RSBN1L: variants seen among roughly 807,000 people sequenced by gnomAD.
The protein encoded by RSBN1L is round spermatid basic protein 1 like.
RSBN1L carries 30 observed loss-of-function variants against 67.7 expected under a neutral mutation model. That is an observed-to-expected ratio of 0.44 (90% CI 0.33 to 0.60). RSBN1L has a LOEUF of 0.60. Among genes scored for constraint, RSBN1L ranks in the 20% least tolerant of loss-of-function variants. RSBN1L has a pLI of 0.02. For missense variants in RSBN1L, 992 were observed against 1,031.7 expected (o/e 0.96, Z 0.53); for synonymous variants, 433 against 387.0 (o/e 1.12, Z -1.39).
Position 77,750,296 on chromosome 7 carries a change from G to GTTTTTT in RSBN1L, c.1344+252_1344+257dup, listed in dbSNP as rs36054297. ...ATTAATGAAATAATTAAGATTCTGT[G>GTTTTTT]TTTTTTTTTTTTTTTTTTTTTTTTT... On this transcript the variant is annotated intron_variant, in intron 3 of 7. Transcript: ENST00000334955. 3.0e-3 allele frequency among the ~76,000 whole-genome samples: 175 copies of GTTTTTT among 57,460 alleles called. 14 individuals carry two copies. The highest frequency in any genetic ancestry group is 0.01 in the African/African-American group (152 of 14,480). 37.7% of individuals were successfully genotyped at this position (57,460 alleles called of 152,430 possible).
At chr7:77,735,832 AT>A (rs1292310917) in intron 1 of RSBN1L, among the ~76,000 whole-genome samples, 3 of 152,148 alleles carry the variant, frequency 2.0e-5, no homozygotes, top group Admixed American at 1.3e-4. Flanking sequence ...TATGCCCTTT[AT>A]TTAAATATCA....
intron 2 of RSBN1L, among the ~76,000 whole-genome samples, chr7:77,742,965 CA>C (rs1403198649): frequency 6.6e-6 from 1 of 152,188 alleles, no homozygotes; most frequent in African/African-American, 2.4e-5. Context: ...GTCAGCCTTG[CA>C]AACAGGACTG....
Position 77,780,515 on chromosome 7 carries a change from C to G in RSBN1L, c.*1347C>G, listed in dbSNP as rs1791985964. On this transcript the variant is annotated 3_prime_UTR_variant, in exon 8 of 8. Coordinates refer to ENST00000334955, the MANE Select transcript of RSBN1L (RefSeq NM_198467.3). ...AGTAAGTACCTTTACTAAGTAATAGCTAAGTATAAAATCTTTAGTTACAGA... is the reference window on the plus strand; with the variant it reads ...AGTAAGTACCTTTACTAAGTAATAGGTAAGTATAAAATCTTTAGTTACAGA... The G allele has an allele frequency of 6.6e-6, 1 of 151,994 alleles. No individual in the cohort carries two copies. Among genetic ancestry groups the G allele is most frequent in the Non-Finnish European group, 1.5e-5 (1 of 68,004 alleles). The allele number at this position is 151,994 out of a possible 1,614,324, so 9.4% of individuals were successfully genotyped here. A position where few individuals can be genotyped will look rare whatever the true frequency, so the allele number is the denominator to read the frequency against.
intron 3 of RSBN1L, 73 bp downstream of exon 3, chr7:77,750,137 A>C: frequency 1.2e-6 from 1 of 864,046 alleles, no homozygotes; most frequent in Non-Finnish European, 1.6e-6. Context: ...TTTTGTTCCT[A>C]ATTATAGGGC....
intron 1 of RSBN1L, among the ~76,000 whole-genome samples, chr7:77,702,989 T>A (rs1209403852): frequency 6.6e-6 from 1 of 152,294 alleles, no homozygotes; most frequent in Middle Eastern, 3.4e-3. Flanking sequence ...GGCTTCAACA[T>A]ATGGATTTTG....
chr7:77,698,336 C>G (rs1790769183), intron 1 of RSBN1L, among the ~76,000 whole-genome samples: 1 of 152,100 alleles, frequency 6.6e-6, no homozygotes, highest in Admixed American at 6.5e-5. Flanking sequence ...GTCAGGAATT[C>G]CAGGTGATTA....
chr7:77,742,319 C>CT (rs1791424756), intron 2 of RSBN1L, among the ~76,000 whole-genome samples: 1 of 151,792 alleles, frequency 6.6e-6, no homozygotes, highest in South Asian at 2.1e-4. Context: ...CTGAAAGAAA[C>CT]TAGGCACAAG....
chr7:77,733,658 T>A (rs1256972215), intron 1 of RSBN1L, among the ~76,000 whole-genome samples: 3 of 152,030 alleles, frequency 2.0e-5, no homozygotes, highest in African/African-American at 7.2e-5. Context: ...TTTAATAATT[T>A]GGGTTATCTT....
intron 1 of RSBN1L, among the ~76,000 whole-genome samples, chr7:77,703,747 CA>C: frequency 6.6e-6 from 1 of 152,010 alleles, no homozygotes. Flanking sequence ...CTCGGCCTCC[CA>C]AAGTGCTAGG....
Position 77,696,594 on chromosome 7 carries a change from C to G in RSBN1L, c.125C>G (p.Ala42Gly). Residue 42 changes from alanine (A) to glycine (G), a missense_variant, in exon 1 of 8, where the codon GCC (alanine) becomes GGC (glycine). By Grantham distance (60) the Ala-to-Gly change is moderately conservative (BLOSUM62 0). Coordinates refer to ENST00000334955, the MANE Select transcript of RSBN1L (RefSeq NM_198467.3). ...CGGGACCCTCCGGGTTCTCTGTCCG[C>G]CAAGAAGGTCCGGACTGAGGAGAAG... ...SSRDPPGSLS[A>G]KKVRTEEKKA... 4.3e-6 allele frequency: 7 copies of G among 1,614,124 alleles called. No individual in the cohort carries two copies. The highest frequency in any genetic ancestry group is 5.9e-6 in the Non-Finnish European group (7 of 1,180,000).
chr7:77,746,742 G>T (rs371867626), intron 2 of RSBN1L, among the ~76,000 whole-genome samples: 1 of 152,134 alleles, frequency 6.6e-6, no homozygotes, highest in African/African-American at 2.4e-5. Context: ...ACATAGAGGG[G>T]GGTGGGTATA....
At chr7:77,725,274 A>ATTTTTT (rs1791184638) in intron 1 of RSBN1L, among the ~76,000 whole-genome samples, 1 of 40,374 alleles carries the variant, frequency 2.5e-5, no homozygotes, top group Admixed American at 2.2e-4. Flanking sequence ...TTGAGATGGA[A>ATTTTTT]TTTTGCTCTT....
At chr7:77,768,397 A>G (rs1791802910) in intron 4 of RSBN1L, 1 of 311,164 alleles carries the variant, frequency 3.2e-6, no homozygotes, top group Middle Eastern at 9.0e-4. Flanking sequence ...AGAATAACAA[A>G]TGATGAATAT....
intron 1 of RSBN1L, among the ~76,000 whole-genome samples, chr7:77,713,479 C>T (rs963382707): frequency 1.3e-5 from 2 of 151,900 alleles, no homozygotes; most frequent in African/African-American, 2.4e-5. Context: ...ACCTCAGCCT[C>T]CCGAGTAGCT....
intron 2 of RSBN1L, among the ~76,000 whole-genome samples, chr7:77,741,055 G>A (rs994464221): frequency 6.8e-6 from 1 of 146,638 alleles, no homozygotes; most frequent in African/African-American, 2.5e-5. Flanking sequence ...GGCACAGTCT[G>A]GGCTCACTGT....
chr7:77,740,095 A>G (rs1191931053), intron 2 of RSBN1L, among the ~76,000 whole-genome samples: 1 of 152,050 alleles, frequency 6.6e-6, no homozygotes. Flanking sequence ...AATTATATAT[A>G]TGATAAAAAG....
At chr7:77,710,773 T>C (rs1790961604) in intron 1 of RSBN1L, among the ~76,000 whole-genome samples, 1 of 151,992 alleles carries the variant, frequency 6.6e-6, no homozygotes, top group East Asian at 1.9e-4. Context: ...TTTTTGTATT[T>C]TTAGTAGAGA....
At chr7:77,774,002 T>A (rs1485188331) in intron 6 of RSBN1L, among the ~76,000 whole-genome samples, 2 of 152,228 alleles carry the variant, frequency 1.3e-5, no homozygotes, top group African/African-American at 2.4e-5. Context: ...TAATTTTTTT[T>A]ACAGTCATAT....
At chr7:77,713,257 A>G (rs1228631181) in intron 1 of RSBN1L, among the ~76,000 whole-genome samples, 3 of 151,852 alleles carry the variant, frequency 2.0e-5, no homozygotes, top group African/African-American at 7.3e-5. Flanking sequence ...CATAAACATT[A>G]TTTAAGGGGG....
Sources: allele counts gnomAD v4.1 joint callset (sites outside exome capture counted in the v4.1 genomes callset), GRCh38; gene constraint gnomAD v4.1.1; transcripts MANE v1.5; gene names NCBI Gene and HGNC (gene_info 2026-07-23, HGNC 2026-07-21).